RAB27A: variants seen among roughly 807,000 people sequenced by gnomAD.
RAB27A encodes the protein RAB27A, member RAS oncogene family.
Under a neutral mutation model 20.8 loss-of-function variants are expected in RAB27A, and 17 were observed. The observed-to-expected ratio is 0.82, with a 90% CI of 0.56 to 1.23. The LOEUF (loss-of-function observed/expected upper bound fraction) is 1.23, where lower values mean the gene tolerates loss of function less well. Among genes scored for constraint, RAB27A ranks in the 50% most tolerant of loss-of-function variants. RAB27A has a pLI of 0.00. For missense variants in RAB27A, 277 were observed against 266.7 expected, an observed-to-expected ratio of 1.04 and a Z score of -0.27; for synonymous variants, 85 against 92.8, an observed-to-expected ratio of 0.92 and a Z score of 0.48.
At chr15:55,248,326 G>A (rs1896764930) in intron 2 of RAB27A, among the ~76,000 whole-genome samples, 1 of 151,992 alleles carries the variant, frequency 6.6e-6, no homozygotes, top group South Asian at 2.1e-4. Context: ...TCCTCTCCTG[G>A]CTTTCCTGTC....
intron 6 of RAB27A, among the ~76,000 whole-genome samples, chr15:55,218,732 A>C (rs1895427275): frequency 6.7e-6 from 1 of 149,730 alleles, no homozygotes; most frequent in Non-Finnish European, 1.5e-5. Flanking sequence ...TGTCATTCTT[A>C]GTTCACATTC....
intron 4 of RAB27A, 61 bp from the exon 5 acceptor site, chr15:55,228,773 T>G: frequency 8.7e-7 from 1 of 1,145,750 alleles, no homozygotes; most frequent in East Asian, 2.3e-5. Context: ...AATATAAAAC[T>G]ACAAGCAATG....
chr15:55,297,064 G>C (rs1308600696), intron 2 of RAB27A, among the ~76,000 whole-genome samples: 1 of 152,194 alleles, frequency 6.6e-6, no homozygotes. Flanking sequence ...ATCCAGAGAG[G>C]GGAGGGTAAA....
intron 2 of RAB27A, among the ~76,000 whole-genome samples, chr15:55,265,620 T>C (rs1897445007): frequency 6.6e-6 from 1 of 151,162 alleles, no homozygotes; most frequent in Admixed American, 6.6e-5. Flanking sequence ...TGGTAAGGAA[T>C]GCCTGATGCT....
chr15:55,274,026 C>T (rs1009770480), intron 1 of RAB27A, among the ~76,000 whole-genome samples: 9 of 152,218 alleles, frequency 5.9e-5, no homozygotes, highest in Admixed American at 2.6e-4. Flanking sequence ...AAATTTAAGA[C>T]GATCGAAATC....
At chr15:55,207,414 C>G (rs1032750427) in intron 6 of RAB27A, among the ~76,000 whole-genome samples, 1 of 152,190 alleles carries the variant, frequency 6.6e-6, no homozygotes, top group African/African-American at 2.4e-5. Flanking sequence ...CAGCCAGAGT[C>G]CCTGAACCAG....
rs77037630 is a variant in RAB27A at position 55,299,713 on chromosome 15, C to A, written c.-112+14326G>T. On this transcript the variant is annotated intron_variant, in intron 2 of 5. Transcript: ENST00000563262. ...TATGATTCTGGATTAGTTCTGGGAC[C>A]AGAAAAAAACAAGTTTATCTTATTC... is the stretch of plus-strand genomic sequence containing the variant. 1.5e-3 allele frequency among the ~76,000 whole-genome samples: 227 copies of A among 151,800 alleles called. 5 individuals carry two copies. The East Asian group carries it at 0.034, about 23-fold the overall frequency.
At chr15:55,296,371 C>T (rs981044024) in intron 2 of RAB27A, among the ~76,000 whole-genome samples, 2 of 151,960 alleles carry the variant, frequency 1.3e-5, no homozygotes, top group Non-Finnish European at 2.9e-5. Flanking sequence ...TGGCACATGC[C>T]TGTGGTCCCA....
intron 2 of RAB27A, among the ~76,000 whole-genome samples, chr15:55,309,844 G>A (rs527750477): frequency 5.3e-5 from 8 of 152,206 alleles, no homozygotes; most frequent in African/African-American, 1.7e-4. Context: ...AGGGGCTACT[G>A]CACGGTTTTA....
chr15:55,273,918 C>T (rs1897777398), intron 1 of RAB27A, among the ~76,000 whole-genome samples: 1 of 152,212 alleles, frequency 6.6e-6, no homozygotes, highest in African/African-American at 2.4e-5. Context: ...ACATACAGAA[C>T]TTTCTATCCA....
chr15:55,217,663 CAAA>C (rs199813098), intron 6 of RAB27A, among the ~76,000 whole-genome samples: 4 of 43,544 alleles, frequency 9.2e-5, no homozygotes, highest in Non-Finnish European at 1.3e-4. Flanking sequence ...CACTCCATCT[CAAA>C]AAAAAAAAAA....
Position 55,209,162 on chromosome 15 carries a change from T to G in RAB27A, c.468-3457A>C, listed in dbSNP as rs1051902310. Among the ~76,000 whole-genome samples, 11 of 152,306 alleles carry G rather than the reference T, an allele frequency of 7.2e-5. 1 individual carries two copies. The highest frequency in any genetic ancestry group is 6.2e-4 in the South Asian group (3 of 4,826). ...TAGAACGATTGGAATTTTTCCCTCC[T>G]AGCTATTTCAAGATATACAATAGAT... On this transcript the variant is annotated intron_variant, in intron 6 of 6. Coordinates refer to ENST00000336787, the MANE Select transcript of RAB27A (RefSeq NM_183235.3).
intron 2 of RAB27A, among the ~76,000 whole-genome samples, chr15:55,248,682 T>C (rs1292393909): frequency 6.6e-6 from 1 of 152,236 alleles, no homozygotes; most frequent in African/African-American, 2.4e-5. Flanking sequence ...AATATGTTTA[T>C]TATATGCCAA....
chr15:55,228,476 A>G (rs1895896329), intron 5 of RAB27A, 133 bp downstream of exon 5: 4 of 733,542 alleles, frequency 5.5e-6, no homozygotes, highest in Non-Finnish European at 9.6e-6. Flanking sequence ...TAAACTAAAA[A>G]CCTTGCTCCT....
intron 6 of RAB27A, among the ~76,000 whole-genome samples, chr15:55,217,663 C>CAGA (rs1895371595): frequency 2.3e-5 from 1 of 43,544 alleles, no homozygotes; most frequent in Non-Finnish European, 4.3e-5. Context: ...CACTCCATCT[C>CAGA]AAAAAAAAAA....
chr15:55,298,360 G>A (rs1258027309), intron 2 of RAB27A, among the ~76,000 whole-genome samples: 1 of 152,124 alleles, frequency 6.6e-6, no homozygotes, highest in African/African-American at 2.4e-5. Flanking sequence ...GGCGACCGGG[G>A]GAGACATCAC....
At position 55,299,588 on chromosome 15, in the gene RAB27A, G is replaced by A. The variant is rs1281642531; in HGVS notation, c.-112+14451C>T. On this transcript the variant is annotated intron_variant, in intron 2 of 5. Coordinates refer to the RAB27A transcript ENST00000563262. ...AGCCTAGGTGACACAGTGAGAATCT[G>A]TCTCAAAAAAAAAAAAAAAAAAAGT... 5.5e-5 allele frequency among the ~76,000 whole-genome samples: 7 copies of A among 127,342 alleles called. No homozygotes were observed. In the East Asian group the frequency reaches 1.5e-3, roughly 27 times the overall value. The allele number at this position is 127,342 out of a possible 152,430, so 83.5% of individuals were successfully genotyped here.
chr15:55,206,276 TA>T, intron 6 of RAB27A: 3 of 727,990 alleles, frequency 4.1e-6, no homozygotes, highest in Non-Finnish European at 5.0e-6. Flanking sequence ...TGATTTACTG[TA>T]AAAAATTTAT....
intron 1 of RAB27A, among the ~76,000 whole-genome samples, chr15:55,285,964 T>C (rs1566936490): frequency 6.6e-6 from 1 of 152,206 alleles, no homozygotes; most frequent in East Asian, 1.9e-4. Context: ...TTATTTGACC[T>C]TTCCCTTTTT....
Sources: gnomAD v4.1 joint callset for allele counts (sites outside exome capture counted in the v4.1 genomes callset) on GRCh38, gnomAD v4.1.1 for gene constraint, MANE v1.5 for transcripts, NCBI Gene and HGNC (gene_info 2026-07-23, HGNC 2026-07-21) for gene names.